Variants in PUS7 observed in about 807,000 individuals in gnomAD.
PUS7 encodes pseudouridine synthase 7.
A neutral mutation model predicts 79.8 loss-of-function variants in PUS7; 48 were observed. That is an observed-to-expected ratio of 0.60 (90% CI 0.48 to 0.76). The LOEUF is 0.76. Ranked by LOEUF, PUS7 falls within the 30% of genes least tolerant of loss-of-function variation. The pLI, the probability that PUS7 is intolerant of heterozygous loss-of-function variation, is 0.00. For synonymous variants in PUS7, 286 were observed against 272.2 expected (o/e 1.05, Z -0.50); for missense variants, 729 against 797.6 (o/e 0.91, Z 1.04).
chr7:105,463,384 G>T (rs1024094153), intron 13 of PUS7, among the ~76,000 whole-genome samples: 1 of 152,170 alleles, frequency 6.6e-6, no homozygotes, highest in African/African-American at 2.4e-5. Context: ...TCCACATATA[G>T]TCATAAGTAC....
intron 1 of PUS7, among the ~76,000 whole-genome samples, chr7:105,513,141 C>A (rs1825763039): frequency 1.3e-5 from 2 of 152,188 alleles, no homozygotes. Context: ...CACATTGTGT[C>A]ACACATGCCC....
In PUS7 at chr7:105,468,329, C is replaced by G; in HGVS notation, c.1525+8G>C. The G allele has an allele frequency of 1.9e-6, 3 of 1,609,612 alleles. No individual in the cohort carries two copies. The highest frequency in any genetic ancestry group is 2.5e-6 in the Non-Finnish European group (3 of 1,178,704). Reference sequence around the variant, plus strand: ...TTAGCTGAGTAACAAAGACATCTGCCTTTTTACCTCCTTTGAGAACGAGGT... The same window carrying G: ...TTAGCTGAGTAACAAAGACATCTGCGTTTTTACCTCCTTTGAGAACGAGGT... On this transcript the variant is annotated splice_region_variant and intron_variant, in intron 12 of 15. Coordinates refer to ENST00000469408, the MANE Select transcript of PUS7 (RefSeq NM_019042.5).
chr7:105,464,497 C>G (rs1051726296), intron 13 of PUS7, among the ~76,000 whole-genome samples: 3 of 152,204 alleles, frequency 2.0e-5, no homozygotes, highest in African/African-American at 7.2e-5. Context: ...CTGGATGGAA[C>G]ATAAAGGCAG....
At chr7:105,483,419 C>T (rs1290049107) in intron 7 of PUS7, among the ~76,000 whole-genome samples, 2 of 152,060 alleles carry the variant, frequency 1.3e-5, no homozygotes. Context: ...CCCGCCTCGG[C>T]CTCCCAAAGT....
At chr7:105,505,281 G>T (rs1825410424) in intron 4 of PUS7, among the ~76,000 whole-genome samples, 2 of 152,180 alleles carry the variant, frequency 1.3e-5, no homozygotes, top group Admixed American at 1.3e-4. Flanking sequence ...GGGATTACAG[G>T]TGTGAGCCAC....
At chr7:105,478,847 C>T (rs761817726) in intron 9 of PUS7, among the ~76,000 whole-genome samples, 3 of 152,198 alleles carry the variant, frequency 2.0e-5, no homozygotes, top group Non-Finnish European at 4.4e-5. Context: ...GCTGACCGTA[C>T]TGACCTTTGG....
At chr7:105,512,767 T>C (rs1221028222) in intron 1 of PUS7, among the ~76,000 whole-genome samples, 1 of 152,122 alleles carries the variant, frequency 6.6e-6, no homozygotes, top group Non-Finnish European at 1.5e-5. Context: ...TGGCACCCCT[T>C]TGAAGAGAAA....
intron 1 of PUS7, among the ~76,000 whole-genome samples, chr7:105,509,065 T>C (rs1825597758): frequency 1.4e-5 from 2 of 142,548 alleles, no homozygotes; most frequent in Admixed American, 1.4e-4. Context: ...GCGCCTGTAA[T>C]CCCAGCTAGT....
chr7:105,475,178 T>G (rs1824037745), intron 9 of PUS7, among the ~76,000 whole-genome samples: 1 of 151,588 alleles, frequency 6.6e-6, no homozygotes, highest in Non-Finnish European at 1.5e-5. Flanking sequence ...ACGCTGCACA[T>G]TAAGATGTTT....
rs1192666328 is a variant in PUS7 at position 105,456,847 on chromosome 7, A to T, written c.*943T>A. The T allele has an allele frequency of 6.6e-6, 1 of 151,984 alleles. No homozygotes were observed. The highest frequency in any genetic ancestry group is 2.4e-5 in the African/African-American group (1 of 41,376). The allele number at this position is 151,984 out of a possible 1,614,324, so 9.4% of individuals were successfully genotyped here. On this transcript the variant is annotated 3_prime_UTR_variant, in exon 16 of 16. Coordinates refer to ENST00000469408, the MANE Select transcript of PUS7 (RefSeq NM_019042.5). ...AAAAGGCACCTAGAGTAAAAATTAGACCTTAACTAATAAAACAGCTGTACA... is the reference window on the plus strand; with the variant it reads ...AAAAGGCACCTAGAGTAAAAATTAGTCCTTAACTAATAAAACAGCTGTACA...
intron 12 of PUS7, among the ~76,000 whole-genome samples, chr7:105,467,409 C>T (rs1441824598): frequency 6.6e-6 from 1 of 151,656 alleles, no homozygotes; most frequent in Non-Finnish European, 1.5e-5. Context: ...CCTGCCTCAG[C>T]TTCCTGAGTA....
Position 105,470,669 on chromosome 7 carries a change from C to G in PUS7, c.1398+19G>C, listed in dbSNP as rs1269380290. On this transcript the variant is annotated intron_variant, in intron 11 of 15. Transcript: ENST00000469408. ...TAAAACGCCTTGAGCCATTGCCTGA[C>G]TTCACAAATTGCACTCACTATGCCA... The G allele has an allele frequency of 6.5e-7, 1 of 1,546,654 alleles. No individual in the cohort carries two copies. The highest frequency in any genetic ancestry group is 1.2e-5 in the South Asian group (1 of 83,092).
At chr7:105,475,170 G>A (rs1340751112) in intron 9 of PUS7, among the ~76,000 whole-genome samples, 2 of 151,890 alleles carry the variant, frequency 1.3e-5, no homozygotes, top group Admixed American at 6.6e-5. Flanking sequence ...TATCTAGCAC[G>A]CTGCACATTA....
At chr7:105,497,067 T>A in intron 5 of PUS7, 1 of 973,916 alleles carries the variant, frequency 1.0e-6, no homozygotes, top group Non-Finnish European at 1.3e-6. Context: ...ATCGCATGGT[T>A]AAGTTTACAC....
intron 14 of PUS7, among the ~76,000 whole-genome samples, chr7:105,461,680 G>T (rs1765464343): frequency 6.6e-6 from 1 of 152,220 alleles, no homozygotes; most frequent in Non-Finnish European, 1.5e-5. Context: ...AGAGGGACAT[G>T]TTCTAACCCT....
intron 6 of PUS7, among the ~76,000 whole-genome samples, chr7:105,493,428 G>A (rs1824877072): frequency 6.6e-6 from 1 of 152,186 alleles, no homozygotes. Context: ...TGTTCTCTCT[G>A]GCTCAGGTAC....
intron 7 of PUS7, among the ~76,000 whole-genome samples, chr7:105,487,695 T>C (rs1030983573): frequency 6.6e-6 from 1 of 152,164 alleles, no homozygotes; most frequent in African/African-American, 2.4e-5. Context: ...CTTTTAAACA[T>C]CAGGAACCAA....
chr7:105,515,791 T>TCTATTTA (rs1554353687), intron 1 of PUS7, among the ~76,000 whole-genome samples: 1 of 121,240 alleles, frequency 8.2e-6, no homozygotes, highest in African/African-American at 3.2e-5. Flanking sequence ...TTTTATTTTA[T>TCTATTTA]TTTATTTATT....
intron 5 of PUS7, among the ~76,000 whole-genome samples, chr7:105,498,944 CATAT>C (rs1385101488): frequency 6.6e-6 from 1 of 152,136 alleles, no homozygotes; most frequent in African/African-American, 2.4e-5. Flanking sequence ...GTCTCCCTTG[CATAT>C]ATAAATAACT....
Sources: gnomAD v4.1 joint callset for allele counts (sites outside exome capture counted in the v4.1 genomes callset) on GRCh38, gnomAD v4.1.1 for gene constraint, MANE v1.5 for transcripts, NCBI Gene and HGNC (gene_info 2026-07-23, HGNC 2026-07-21) for gene names.